Variants in TPCN2 observed in about 807,000 individuals in gnomAD.
The protein encoded by TPCN2 is two pore channel protein 2.
Under a neutral mutation model 111.4 loss-of-function variants are expected in TPCN2, and 92 were observed. The observed-to-expected ratio is 0.83, with a 90% confidence interval of 0.70 to 0.98. The LOEUF (loss-of-function observed/expected upper bound fraction) is 0.98, where lower values mean the gene tolerates loss of function less well. TPCN2 is among the 50% of genes least tolerant of loss of function. The pLI is 0.00. For synonymous variants in TPCN2, 405 were observed against 414.5 expected, an observed-to-expected ratio of 0.98 and a Z score of 0.28; for missense variants, 995 against 980.1, an observed-to-expected ratio of 1.02 and a Z score of -0.20.
chr11:69,062,821 A>G, intron 5 of TPCN2, 63 bp from the exon 6 acceptor site: 1 of 1,493,692 alleles, frequency 6.7e-7, no homozygotes, highest in South Asian at 1.1e-5. Context: ...CCCATCTGGG[A>G]TGGTCGGTGA....
intron 13 of TPCN2, among the ~76,000 whole-genome samples, chr11:69,074,946 C>T (rs1855689672): frequency 6.6e-6 from 1 of 152,142 alleles, no homozygotes; most frequent in Non-Finnish European, 1.5e-5. Context: ...TTTCCAGTGT[C>T]AGGATTTGGT....
rs966019133 is a variant in TPCN2 at position 69,070,291 on chromosome 11, G to A, written c.830-139G>A. On this transcript the variant is annotated intron_variant, in intron 8 of 24. Coordinates refer to ENST00000294309, the MANE Select transcript of TPCN2 (RefSeq NM_139075.4). ...TCCACCCGCCTCAGCCTCCCAAAGTGCTGGGATTACAGGCGTGAGCCACCA... is the reference window on the plus strand; with the variant it reads ...TCCACCCGCCTCAGCCTCCCAAAGTACTGGGATTACAGGCGTGAGCCACCA... 4 of 648,534 alleles carry A rather than the reference G, an allele frequency of 6.2e-6. No homozygotes were observed. In the African/African-American group the frequency reaches 7.3e-5, roughly 12 times the overall value. 40.2% of individuals were successfully genotyped at this position (648,534 alleles called of 1,614,324 possible). A position where few individuals can be genotyped will look rare whatever the true frequency, so the allele number is the denominator to read the frequency against.
At chr11:69,066,243 G>C (rs1185507751) in intron 7 of TPCN2, among the ~76,000 whole-genome samples, 2 of 152,130 alleles carry the variant, frequency 1.3e-5, no homozygotes, top group African/African-American at 4.8e-5. Context: ...CTGTGGTCCT[G>C]CCGTCCCCGG....
rs781540289 is a variant in TPCN2, at chr11:69,062,857, G to A, written c.547-27G>A. On this transcript the variant is annotated intron_variant, in intron 5 of 24. Transcript: ENST00000294309. ...GGGGTAGAACTAAGCACTTGACGTG[G>A]TCCTCAGTTTCCTGGGTCTCTTCCA... is the stretch of plus-strand genomic sequence containing the variant. The A allele has an allele frequency of 1.6e-5, 26 of 1,608,164 alleles. No individual in the cohort carries two copies. The South Asian group carries it at 2.7e-4, about 17-fold the overall frequency.
rs1373635315 is a variant in TPCN2, at chr11:69,063,936, T to G, written c.695T>G (p.Met232Arg). 1 of 1,614,040 alleles carries G rather than the reference T, an allele frequency of 6.2e-7. No homozygotes were observed. Among genetic ancestry groups the G allele is most frequent in the East Asian group, 2.2e-5 (1 of 44,868 alleles). ...GCCATCCACCTGTGCCTCTTCACCATGTTCGGAATGCTGCTGTTCGCTGGT... is the reference window on the plus strand; with the variant it reads ...GCCATCCACCTGTGCCTCTTCACCAGGTTCGGAATGCTGCTGTTCGCTGGT... ...LLAIHLCLFT[M>R]FGMLLFAGGK... is the part of the protein sequence containing the mutation. The change falls in exon 7 of 25, where the codon ATG becomes AGG. Residue 232 changes from methionine (M) to arginine (R), a missense_variant. By Grantham distance (91) the Met-to-Arg change is moderately conservative (BLOSUM62 -1). Transcript: ENST00000294309.
intron 11 of TPCN2, 91 bp from the exon 12 acceptor site, chr11:69,072,536 C>G: frequency 7.4e-7 from 1 of 1,350,678 alleles, no homozygotes; most frequent in Middle Eastern, 1.8e-4. Context: ...TGGCAAAGCT[C>G]AAGCCAGACG....
At chr11:69,076,363 G>A (rs2134604892) in intron 13 of TPCN2, among the ~76,000 whole-genome samples, 1 of 152,322 alleles carries the variant, frequency 6.6e-6, no homozygotes, top group East Asian at 1.9e-4. Flanking sequence ...GTGTGGGCAG[G>A]TGGCCTTTGG....
chr11:69,062,608 G>C (rs1855071689), intron 5 of TPCN2, among the ~76,000 whole-genome samples: 1 of 152,160 alleles, frequency 6.6e-6, no homozygotes, highest in African/African-American at 2.4e-5. Context: ...GCCTGGGACA[G>C]GGACAGGTGT....
chr11:69,078,838 G>A, intron 15 of TPCN2, 45 bp downstream of exon 15: 1 of 1,614,118 alleles, frequency 6.2e-7, no homozygotes, highest in Non-Finnish European at 8.5e-7. Context: ...GTGAGGCTGG[G>A]CAGTGCTGGC....
intron 16 of TPCN2, 153 bp from the exon 17 acceptor site, chr11:69,079,681 A>C: frequency 1.6e-6 from 1 of 637,890 alleles, no homozygotes; most frequent in African/African-American, 1.8e-5. Flanking sequence ...GACATCTGGA[A>C]CCAACCCGTG....
Position 69,078,758 on chromosome 11 carries a change from G to A in TPCN2, c.1375G>A (p.Val459Met), listed in dbSNP as rs1257320621. Reference protein sequence around the residue: ...ICVFLVLDADVLPAERDDFIL... With the variant: ...ICVFLVLDADMLPAERDDFIL... ...GGTGTTCCTGGTGCTGGATGCAGAT[G>A]TGCTGCCTGCTGAGCGTGATGACTT... The change falls in exon 15 of 25, where the codon GTG (valine) becomes ATG (methionine). Residue 459 changes from valine (V) to methionine (M), a missense_variant. By Grantham distance (21) the Val-to-Met change is conservative. Coordinates refer to ENST00000294309, the MANE Select transcript of TPCN2 (RefSeq NM_139075.4). 1.9e-5 allele frequency: 31 copies of A among 1,613,934 alleles called. No individual in the cohort carries two copies. The highest frequency in any genetic ancestry group is 2.5e-5 in the Non-Finnish European group (30 of 1,180,056).
intron 13 of TPCN2, among the ~76,000 whole-genome samples, chr11:69,076,005 C>T (rs1211887281): frequency 2.0e-5 from 3 of 152,160 alleles, no homozygotes; most frequent in Non-Finnish European, 4.4e-5. Flanking sequence ...ATGCTGAAAT[C>T]TCTCTTGGCC....
chr11:69,065,047 G>A (rs950452745), intron 7 of TPCN2, among the ~76,000 whole-genome samples: 4 of 69,400 alleles, frequency 5.8e-5, no homozygotes, highest in South Asian at 5.7e-4. Flanking sequence ...GTGTGGTGTC[G>A]TGTGTGTGGT....
At chr11:69,073,956 C>G (rs1855645240) in intron 13 of TPCN2, among the ~76,000 whole-genome samples, 1 of 144,542 alleles carries the variant, frequency 6.9e-6, no homozygotes, top group Non-Finnish European at 1.6e-5. Context: ...CTTATAAGGA[C>G]CCTATTCAGA....
intron 13 of TPCN2, among the ~76,000 whole-genome samples, chr11:69,075,156 T>G (rs896675645): frequency 6.6e-5 from 10 of 152,166 alleles, no homozygotes; most frequent in Admixed American, 6.5e-4. Context: ...AGCACTGGGC[T>G]TTGAGATGGG....
chr11:69,077,002 A>G (rs1157712592), intron 13 of TPCN2, among the ~76,000 whole-genome samples: 63 of 27,604 alleles, frequency 2.3e-3, no homozygotes, highest in South Asian at 4.3e-3. Flanking sequence ...CCCTCCTGCC[A>G]CGTCCCTCCA....
At chr11:69,059,033 C>T (rs573989818) in intron 5 of TPCN2, among the ~76,000 whole-genome samples, 68 of 152,354 alleles carry the variant, frequency 4.5e-4, no homozygotes, top group Non-Finnish European at 6.2e-4. Flanking sequence ...TGGCCGTGGG[C>T]CCTGCCTGGA....
chr11:69,056,622 C>T (rs959222228), intron 4 of TPCN2, among the ~76,000 whole-genome samples: 1 of 152,136 alleles, frequency 6.6e-6, no homozygotes, highest in Non-Finnish European at 1.5e-5. Flanking sequence ...CAACCTCCGC[C>T]TCCTGGGTTT....
At chr11:69,050,847 TC>T (rs1430482858) in intron 1 of TPCN2, among the ~76,000 whole-genome samples, 3 of 152,124 alleles carry the variant, frequency 2.0e-5, no homozygotes, top group African/African-American at 7.2e-5. Context: ...TTGCAGGTCC[TC>T]CCTGGCAGGT....
Sources: gnomAD v4.1 joint callset for allele counts (sites outside exome capture counted in the v4.1 genomes callset) on GRCh38, gnomAD v4.1.1 for gene constraint, MANE v1.5 for transcripts, NCBI Gene and HGNC (gene_info 2026-07-23, HGNC 2026-07-21) for gene names.